The following KCND2 variants were observed in gnomAD, a reference collection of about 807,000 sequenced individuals.
KCND2 encodes the protein A-type voltage-gated potassium channel KCND2.
In KCND2, 16 loss-of-function variants were observed where a neutral mutation model predicts 54.4. The ratio of observed to expected loss-of-function variants is 0.29; its 90% CI spans 0.20 to 0.45. The LOEUF (loss-of-function observed/expected upper bound fraction) is 0.45, where lower values mean the gene tolerates loss of function less well. Among genes scored for constraint, KCND2 ranks in the 20% least tolerant of loss-of-function variants. The pLI is 1.00. For missense variants in KCND2, 486 were observed against 824.2 expected (o/e 0.59, Z 5.02); for synonymous variants, 317 against 310.7 (o/e 1.02, Z -0.21).
At chr7:120,698,035 T>C (rs1200363746) in intron 1 of KCND2, among the ~76,000 whole-genome samples, 1 of 144,674 alleles carries the variant, frequency 6.9e-6, no homozygotes, top group Non-Finnish European at 1.5e-5. Context: ...TTTTTTTTTT[T>C]TTTTTTTTTT....
At chr7:120,501,068 TTTTG>T (rs1367545126) in intron 1 of KCND2, among the ~76,000 whole-genome samples, 2 of 151,850 alleles carry the variant, frequency 1.3e-5, no homozygotes, top group Non-Finnish European at 2.9e-5. Context: ...ATTTTGAGGG[TTTTG>T]TTTGTTTAAG....
chr7:120,564,158 T>C (rs1481502590), intron 1 of KCND2, among the ~76,000 whole-genome samples: 1 of 151,576 alleles, frequency 6.6e-6, no homozygotes, highest in Non-Finnish European at 1.5e-5. Context: ...AAAGGTATAA[T>C]AAAGCTAGAA....
At chr7:120,504,881 C>G (rs1017255793) in intron 1 of KCND2, among the ~76,000 whole-genome samples, 56 of 151,620 alleles carry the variant, frequency 3.7e-4, no homozygotes, top group East Asian at 1.2e-3. Context: ...TATCGGTATA[C>G]TCTTTTTTAG....
At chr7:120,663,864 A>G (rs1412217428) in intron 1 of KCND2, among the ~76,000 whole-genome samples, 3 of 152,204 alleles carry the variant, frequency 2.0e-5, no homozygotes, top group East Asian at 1.9e-4. Context: ...TAGTTTCCTC[A>G]CCATTATTAT....
At chr7:120,601,274 A>G (rs1562884850) in intron 1 of KCND2, among the ~76,000 whole-genome samples, 2 of 152,140 alleles carry the variant, frequency 1.3e-5, no homozygotes. Context: ...ACCAATGCTT[A>G]CCCCAGAATG....
chr7:120,686,442 A>G (rs1051810550), intron 1 of KCND2, among the ~76,000 whole-genome samples: 1 of 152,226 alleles, frequency 6.6e-6, no homozygotes, highest in Non-Finnish European at 1.5e-5. Context: ...CAGCAAATCC[A>G]TACAGTTCTG....
chr7:120,486,546 A>G (rs1377849774), intron 1 of KCND2, among the ~76,000 whole-genome samples: 1 of 152,094 alleles, frequency 6.6e-6, no homozygotes, highest in Non-Finnish European at 1.5e-5. Flanking sequence ...AAAAGTTTGA[A>G]TCACAAAGCC....
chr7:120,647,840 T>G (rs535550561), intron 1 of KCND2, among the ~76,000 whole-genome samples: 68 of 152,348 alleles, frequency 4.5e-4, no homozygotes, highest in South Asian at 1.0e-3. Flanking sequence ...TTAATACATT[T>G]AGCAGTAACG....
intron 1 of KCND2, among the ~76,000 whole-genome samples, chr7:120,657,577 T>G (rs189762022): frequency 1.3e-5 from 2 of 152,272 alleles, no homozygotes; most frequent in East Asian, 3.9e-4. Context: ...CCAGGTAAGG[T>G]GGCTAATGCT....
chr7:120,498,955 A>G (rs1241457424), intron 1 of KCND2, among the ~76,000 whole-genome samples: 2 of 152,198 alleles, frequency 1.3e-5, no homozygotes, highest in African/African-American at 4.8e-5. Context: ...CAGCATGATC[A>G]CTTGAAGATA....
At chr7:120,412,434 C>G (rs1801464741) in intron 1 of KCND2, among the ~76,000 whole-genome samples, 1 of 152,026 alleles carries the variant, frequency 6.6e-6, no homozygotes, top group African/African-American at 2.4e-5. Context: ...ATGAAACTGG[C>G]AATTAATCTG....
intron 1 of KCND2, among the ~76,000 whole-genome samples, chr7:120,473,653 G>A (rs1448608842): frequency 2.6e-5 from 4 of 152,122 alleles, no homozygotes; most frequent in Admixed American, 6.5e-5. Context: ...CCAGGCCTCC[G>A]TCTGGTGTAC....
At chr7:120,705,668 G>A (rs1792458695) in intron 1 of KCND2, among the ~76,000 whole-genome samples, 1 of 152,048 alleles carries the variant, frequency 6.6e-6, no homozygotes, top group African/African-American at 2.4e-5. Context: ...GATTATTTTG[G>A]GGGATTTTCC....
At chr7:120,500,449 G>A (rs1802915090) in intron 1 of KCND2, among the ~76,000 whole-genome samples, 1 of 152,074 alleles carries the variant, frequency 6.6e-6, no homozygotes, top group Non-Finnish European at 1.5e-5. Flanking sequence ...CTAACTTGAT[G>A]TTATGCCCTC....
rs112276441 is a variant in KCND2 at position 120,724,477 on chromosome 7, C to T, written c.1116-8426C>T. Among the ~76,000 whole-genome samples the T allele has an allele frequency of 9.8e-3, 1,498 of 152,244 alleles. 8 individuals carry two copies. Among genetic ancestry groups the T allele is most frequent in the Non-Finnish European group, 0.015 (1,011 of 68,024 alleles). On this transcript the variant is annotated intron_variant, in intron 1 of 5. Coordinates refer to ENST00000331113, the MANE Select transcript of KCND2 (RefSeq NM_012281.3). ...TACAAGACATACAGAAATGGAAAGA[C>T]GTAGTACATTCCAGTAATAGAAAGT...
At chr7:120,353,133 CTTT>C (rs72353278) in intron 1 of KCND2, among the ~76,000 whole-genome samples, 2 of 91,790 alleles carry the variant, frequency 2.2e-5, no homozygotes, top group Non-Finnish European at 3.9e-5. Flanking sequence ...AATACTTTTA[CTTT>C]TTTTTTTTTT....
chr7:120,392,869 T>G (rs1801098606), intron 1 of KCND2, among the ~76,000 whole-genome samples: 1 of 152,006 alleles, frequency 6.6e-6, no homozygotes, highest in African/African-American at 2.4e-5. Flanking sequence ...TTAAGAACAC[T>G]ATTATCCCTA....
At chr7:120,560,383 T>C (rs1792218764) in intron 1 of KCND2, among the ~76,000 whole-genome samples, 1 of 152,186 alleles carries the variant, frequency 6.6e-6, no homozygotes. Flanking sequence ...ATATTTTGCC[T>C]TAAAAAATCC....
At chr7:120,607,191 GT>G (rs11306891) in intron 1 of KCND2, among the ~76,000 whole-genome samples, 137,265 of 149,170 alleles carry the variant, frequency 0.92, 63,673 homozygotes, top group Middle Eastern at 0.99. Flanking sequence ...ATTAAGGTTT[GT>G]TTTTTTTTTT....
Sources: allele counts gnomAD v4.1 joint callset (sites outside exome capture counted in the v4.1 genomes callset), GRCh38; gene constraint gnomAD v4.1.1; transcripts MANE v1.5; gene names NCBI Gene and HGNC (gene_info 2026-07-23, HGNC 2026-07-21).